The following VWF variants were observed in gnomAD, a reference collection of about 807,000 sequenced individuals.
The protein encoded by VWF is von Willebrand factor, also known as Factor VIII related antigen.
A neutral mutation model predicts 308.6 loss-of-function variants in VWF; 176 were observed. That is an observed-to-expected ratio of 0.57 (90% confidence interval 0.50 to 0.65). The LOEUF (loss-of-function observed/expected upper bound fraction) is 0.65, where lower values mean the gene tolerates loss of function less well. Ranked by LOEUF, VWF falls within the 30% of genes least tolerant of loss-of-function variation. The pLI is 0.00. For synonymous variants in VWF, 1,385 were observed against 1,443.4 expected (o/e 0.96, Z 0.92); for missense variants, 3,146 against 3,648.2 (o/e 0.86, Z 3.55).
rs773979952 is a variant in VWF, at chr12:6,075,453, C to A, written c.756G>T (p.Lys252Asn). 6.2e-7 allele frequency: 1 copy of A among 1,614,220 alleles called. No homozygotes were observed. Among genetic ancestry groups the A allele is most frequent in the Non-Finnish European group, 8.5e-7 (1 of 1,180,042 alleles). Residue 252 changes from lysine to asparagine, a missense_variant, in exon 7 of 52, where the codon AAG becomes AAT. Lys to Asn is a moderately conservative substitution (Grantham distance 94, BLOSUM62 0). Transcript: ENST00000261405. This position sits in a 1 kb window ranked among gnomAD's most constrained non-coding sequence, Gnocchi z 4.7. ...GCCCCCCAGCACACTCACACAAAGT[C>A]TTCTCACACAGGGCCACAAAAGGCT... ...DPEPFVALCEKTLCECAGGLE... is the reference protein window; with the variant it reads ...DPEPFVALCENTLCECAGGLE...
intron 38 of VWF, among the ~76,000 whole-genome samples, chr12:5,987,342 A>G (rs1943690392): frequency 6.6e-6 from 1 of 152,244 alleles, no homozygotes; most frequent in Admixed American, 6.5e-5. Context: ...TTTTCCTAAT[A>G]ATAACACTAC....
intron 10 of VWF, among the ~76,000 whole-genome samples, chr12:6,069,375 G>A (rs1023483094): frequency 6.6e-6 from 1 of 152,100 alleles, no homozygotes; most frequent in Non-Finnish European, 1.5e-5. Flanking sequence ...TCCCGGGTTG[G>A]CTCCTACCAT....
chr12:6,012,456 C>T (rs1480783291), intron 32 of VWF, among the ~76,000 whole-genome samples: 1 of 152,220 alleles, frequency 6.6e-6, no homozygotes, highest in Non-Finnish European at 1.5e-5. Flanking sequence ...AAGCAAGATC[C>T]TGGAAACCTG....
chr12:6,075,219 G>T lies in VWF; in HGVS notation c.874+116C>A. The T allele has an allele frequency of 1.5e-6, 2 of 1,321,650 alleles. No individual in the cohort carries two copies. Among genetic ancestry groups the T allele is most frequent in the Non-Finnish European group, 2.1e-6 (2 of 939,360 alleles). The allele number at this position is 1,321,650 out of a possible 1,614,324, so 81.9% of individuals were successfully genotyped here. ...CACGTGGCTTTGTAGTCACTGGCTGGCTGGGTGTGGTAAAGCCGCACATAC... is the reference window on the plus strand; with the variant it reads ...CACGTGGCTTTGTAGTCACTGGCTGTCTGGGTGTGGTAAAGCCGCACATAC... On this transcript the variant is annotated intron_variant, in intron 7 of 51. Transcript: ENST00000261405. The surrounding 1 kb of genome is among the most constrained non-coding windows in gnomAD (Gnocchi z 4.7).
intron 40 of VWF, 49 bp from the exon 41 acceptor site, chr12:5,983,303 C>A: frequency 6.4e-7 from 1 of 1,564,656 alleles, no homozygotes; most frequent in Admixed American, 1.8e-5. Context: ...AAAGGTTACT[C>A]TTTTATTACC....
At chr12:6,106,204 A>AT (rs943229263) in intron 5 of VWF, among the ~76,000 whole-genome samples, 6 of 152,164 alleles carry the variant, frequency 3.9e-5, no homozygotes, top group African/African-American at 1.4e-4. Context: ...GCACAATGAA[A>AT]TTTTTTTTCT....
chr12:5,976,025 A>AAG, intron 43 of VWF, 86 bp downstream of exon 43: 2 of 1,586,318 alleles, frequency 1.3e-6, no homozygotes, highest in Non-Finnish European at 1.7e-6. Flanking sequence ...CAAAAAAAAA[A>AAG]GAACCTTTCT....
intron 2 of VWF, chr12:6,122,708 A>C (rs781660087): frequency 3.1e-5 from 16 of 519,116 alleles, no homozygotes; most frequent in South Asian, 2.0e-4. Flanking sequence ...GTTGGCCTGG[A>C]ACCCAGGAAG....
At chr12:6,021,435 C>A (rs1424194568) in intron 27 of VWF, 1 of 170,734 alleles carries the variant, frequency 5.9e-6, no homozygotes, top group African/African-American at 2.4e-5. Flanking sequence ...CCCATTATGA[C>A]AGCCACACCC....
intron 18 of VWF, among the ~76,000 whole-genome samples, chr12:6,041,732 C>T (rs945596486): frequency 6.6e-6 from 1 of 152,192 alleles, no homozygotes; most frequent in African/African-American, 2.4e-5. Context: ...CAGGCGTGAG[C>T]CACTGCGCCC....
intron 13 of VWF, 56 bp downstream of exon 13, chr12:6,062,898 G>T: frequency 7.0e-7 from 1 of 1,427,498 alleles, no homozygotes; most frequent in Non-Finnish European, 9.7e-7. Context: ...CAGAGCACAA[G>T]GGGTACTTTG....
chr12:6,069,903 T>C (rs947757416), intron 10 of VWF, among the ~76,000 whole-genome samples: 10 of 152,342 alleles, frequency 6.6e-5, no homozygotes, highest in African/African-American at 2.4e-4. Flanking sequence ...CTTGGATGAA[T>C]GGACAGTTGG....
In VWF at chr12:6,041,455, A is replaced by AT. The variant is rs750836419; in HGVS notation, c.2442+2835dup. ...AAAAAAATTTTTAAAAAAAAAAGAAATTTTTTTTTTTGAGACGGAGTCTCG... is the reference window on the plus strand; with the variant it reads ...AAAAAAATTTTTAAAAAAAAAAGAAATTTTTTTTTTTTGAGACGGAGTCTCG... On this transcript the variant is annotated intron_variant, in intron 18 of 51. Coordinates refer to ENST00000261405, the MANE Select transcript of VWF (RefSeq NM_000552.5). Among the ~76,000 whole-genome samples the AT allele has an allele frequency of 8.4e-3, 1,258 of 149,124 alleles. 18 individuals are homozygous for AT. The highest frequency in any genetic ancestry group is 0.029 in the African/African-American group (1,178 of 40,748).
intron 3 of VWF, among the ~76,000 whole-genome samples, chr12:6,118,120 T>C (rs1327467958): frequency 1.3e-5 from 2 of 152,166 alleles, no homozygotes; most frequent in Admixed American, 1.3e-4. Flanking sequence ...AGGGCTACCC[T>C]GACTTGGGGA....
Position 5,980,704 on chromosome 12 carries a change from C to CG in VWF, c.7287+1081_7287+1082insC, listed in dbSNP as rs541340893. Among the ~76,000 whole-genome samples the CG allele has an allele frequency of 2.8e-3, 434 of 152,352 alleles. 12 individuals carry two copies. Among genetic ancestry groups the CG allele is most frequent in the Admixed American group, 0.023 (346 of 15,302 alleles). ...AAACTGCGTGCTTAGAATCCCTGAG[C>CG]TGGAAGAGCGTCCAGAGGGGAAGAG... On this transcript the variant is annotated intron_variant, in intron 42 of 51. Coordinates refer to ENST00000261405, the MANE Select transcript of VWF (RefSeq NM_000552.5).
At chr12:5,968,421 T>C (rs984608377) in intron 45 of VWF, among the ~76,000 whole-genome samples, 6 of 152,118 alleles carry the variant, frequency 3.9e-5, no homozygotes, top group Admixed American at 2.6e-4. Context: ...CTTATGTGAA[T>C]TTACATTTAA....
intron 17 of VWF, 74 bp from the exon 18 acceptor site, chr12:6,044,525 C>A (rs1944427734): frequency 1.4e-5 from 21 of 1,541,174 alleles, no homozygotes; most frequent in East Asian, 2.4e-5. Flanking sequence ...GTCCTTTGGT[C>A]CCCTAGAGTC....
chr12:5,996,272 G>T, intron 34 of VWF, 50 bp from the exon 35 acceptor site: 1 of 1,539,122 alleles, frequency 6.5e-7, no homozygotes, highest in Non-Finnish European at 8.9e-7. Context: ...AAACCCCCAT[G>T]CCTACTACAT....
chr12:5,969,945 G>C (rs946818583), intron 44 of VWF, among the ~76,000 whole-genome samples: 3 of 151,088 alleles, frequency 2.0e-5, no homozygotes, highest in Admixed American at 6.6e-5. Flanking sequence ...TCACCAGGAG[G>C]ATCTTCCCCA....
Sources: gnomAD v4.1 joint callset for allele counts (sites outside exome capture counted in the v4.1 genomes callset) on GRCh38, gnomAD v4.1.1 for gene constraint, Gnocchi (gnomAD v3.1) non-coding constraint, MANE v1.5 for transcripts, NCBI Gene and HGNC (gene_info 2026-07-23, HGNC 2026-07-21) for gene names.